CDH7: variants seen among roughly 807,000 people sequenced by gnomAD.
The protein encoded by CDH7 is cadherin-7.
A neutral mutation model predicts 71.8 loss-of-function variants in CDH7; 25 were observed. That is an observed-to-expected ratio of 0.35 (90% CI 0.25 to 0.49). CDH7 has a LOEUF of 0.49. Ranked by LOEUF, CDH7 falls within the 20% of genes least tolerant of loss-of-function variation. CDH7 has a pLI of 0.99. For synonymous variants in CDH7, 381 were observed against 363.8 expected (o/e 1.05, Z -0.54); for missense variants, 862 against 974.6 (o/e 0.88, Z 1.54).
chr18:65,838,777 G>A (rs530445938), intron 6 of CDH7, among the ~76,000 whole-genome samples: 5 of 152,264 alleles, frequency 3.3e-5, no homozygotes, highest in Admixed American at 3.3e-4. Flanking sequence ...AAATGGCAAG[G>A]GAAATTTTGA....
At chr18:65,782,216 T>A (rs2143837050) in intron 2 of CDH7, among the ~76,000 whole-genome samples, 1 of 149,914 alleles carries the variant, frequency 6.7e-6, no homozygotes, top group East Asian at 2.0e-4. Flanking sequence ...TTGCCCAGGC[T>A]GTAGCAGTGG....
intron 2 of CDH7, among the ~76,000 whole-genome samples, chr18:65,777,575 C>T (rs1350418814): frequency 6.6e-6 from 1 of 152,002 alleles, no homozygotes; most frequent in Non-Finnish European, 1.5e-5. Context: ...ATTTGCATGA[C>T]AAATTCATCA....
intron 9 of CDH7, 104 bp from the exon 10 acceptor site, chr18:65,859,604 G>C (rs545513744): frequency 5.1e-5 from 35 of 690,626 alleles, no homozygotes; most frequent in African/African-American, 4.5e-4. Context: ...AGCTCATTCA[G>C]GGAGATGGTA....
intron 7 of CDH7, among the ~76,000 whole-genome samples, chr18:65,849,339 TTTTTC>T (rs71167161): frequency 0.054 from 4,343 of 80,920 alleles, 96 homozygotes; most frequent in Non-Finnish European, 0.07. Context: ...TAGCCTTTCC[TTTTTC>T]TTTTCTTTTC....
intron 2 of CDH7, among the ~76,000 whole-genome samples, chr18:65,787,953 T>C (rs536369217): frequency 6.6e-6 from 1 of 152,210 alleles, no homozygotes; most frequent in South Asian, 2.1e-4. Context: ...GTAAATCCCA[T>C]TTACTTTTTA....
At chr18:65,870,644 C>A (rs1913900986) in intron 11 of CDH7, among the ~76,000 whole-genome samples, 1 of 152,100 alleles carries the variant, frequency 6.6e-6, no homozygotes. Context: ...TTCAAGTGTG[C>A]TACCCTGCTC....
intron 6 of CDH7, among the ~76,000 whole-genome samples, chr18:65,841,595 T>C (rs1402017955): frequency 6.6e-6 from 1 of 152,178 alleles, no homozygotes; most frequent in Non-Finnish European, 1.5e-5. Context: ...TGTTTTGGTT[T>C]CTCAGTAGAT....
intron 4 of CDH7, among the ~76,000 whole-genome samples, chr18:65,815,250 T>G (rs1211373063): frequency 6.6e-6 from 1 of 152,150 alleles, no homozygotes; most frequent in Admixed American, 6.5e-5. Flanking sequence ...GGTTATTAAT[T>G]GATATTTTAA....
At chr18:65,869,224 CTT>C (rs11339895) in intron 11 of CDH7, among the ~76,000 whole-genome samples, 3 of 149,496 alleles carry the variant, frequency 2.0e-5, no homozygotes, top group East Asian at 2.0e-4. Context: ...TGTCCAGGGT[CTT>C]TTTTTTTTTC....
At chr18:65,861,501 T>A (rs1411291504) in intron 10 of CDH7, among the ~76,000 whole-genome samples, 1 of 152,034 alleles carries the variant, frequency 6.6e-6, no homozygotes, top group Admixed American at 6.5e-5. Context: ...TACAGGAACT[T>A]ACTCAAAACA....
chr18:65,879,885 C>T (rs1250424557), intron 11 of CDH7, among the ~76,000 whole-genome samples: 1 of 152,110 alleles, frequency 6.6e-6, no homozygotes, highest in African/African-American at 2.4e-5. Flanking sequence ...TGTAAATGGC[C>T]TGACATGCTG....
rs368579210 is a variant in CDH7, at chr18:65,785,382, A to T, written c.210+22330A>T. 7.0e-4 allele frequency among the ~76,000 whole-genome samples: 106 copies of T among 152,244 alleles called. 2 individuals are homozygous for T. In the South Asian group the frequency reaches 0.021, roughly 31 times the overall value. ...TAAGGTTATGTACAACATTAAATAC[A>T]ATTTAGTAAAAATATGTCTGGTTAA... On this transcript the variant is annotated intron_variant, in intron 2 of 11. Transcript: ENST00000397968.
chr18:65,860,976 G>C (rs1486372754), intron 10 of CDH7, among the ~76,000 whole-genome samples: 1 of 152,172 alleles, frequency 6.6e-6, no homozygotes, highest in African/African-American at 2.4e-5. Context: ...TCATAGTTAA[G>C]AAGGATAATT....
At chr18:65,830,870 A>C (rs555866236) in intron 6 of CDH7, among the ~76,000 whole-genome samples, 169 of 151,522 alleles carry the variant, frequency 1.1e-3, no homozygotes, top group Non-Finnish European at 1.9e-3. Flanking sequence ...ACATTATCCT[A>C]AGCTTAGTGA....
At chr18:65,796,093 G>A (rs1265419720) in intron 2 of CDH7, among the ~76,000 whole-genome samples, 1 of 152,118 alleles carries the variant, frequency 6.6e-6, no homozygotes, top group Non-Finnish European at 1.5e-5. Flanking sequence ...GGCAGTGTGA[G>A]AATGGACTAA....
chr18:65,863,140 C>G (rs767154145), intron 11 of CDH7: 3 of 576,058 alleles, frequency 5.2e-6, no homozygotes, highest in Non-Finnish European at 9.2e-6. Flanking sequence ...CAGGTTCAAG[C>G]AATTCTCCCA....
intron 11 of CDH7, among the ~76,000 whole-genome samples, chr18:65,872,927 T>C (rs1252049821): frequency 6.6e-6 from 1 of 151,472 alleles, no homozygotes; most frequent in African/African-American, 2.4e-5. Context: ...AAAATGTCTA[T>C]AAAAATTTAA....
chr18:65,876,958 G>A (rs1022536470), intron 11 of CDH7, among the ~76,000 whole-genome samples: 1 of 152,088 alleles, frequency 6.6e-6, no homozygotes, highest in Non-Finnish European at 1.5e-5. Context: ...CTCAGAAGTA[G>A]AGGTCATATG....
At chr18:65,832,242 A>G (rs957655121) in intron 6 of CDH7, among the ~76,000 whole-genome samples, 7 of 152,120 alleles carry the variant, frequency 4.6e-5, no homozygotes, top group African/African-American at 1.7e-4. Flanking sequence ...AATAAGATGT[A>G]TTCCAGTTTG....
Sources: allele counts gnomAD v4.1 joint callset (sites outside exome capture counted in the v4.1 genomes callset), GRCh38; gene constraint gnomAD v4.1.1; transcripts MANE v1.5; gene names NCBI Gene and HGNC (gene_info 2026-07-23, HGNC 2026-07-21).